The following LRRC7 variants were observed in gnomAD, a reference collection of about 807,000 sequenced individuals.
The protein encoded by LRRC7 is leucine rich repeat containing 7.
Under a neutral mutation model 175.7 loss-of-function variants are expected in LRRC7, and 23 were observed. The ratio of observed to expected loss-of-function variants is 0.13; its 90% CI spans 0.09 to 0.19. The LOEUF is 0.19. LRRC7 is among the 10% of genes least tolerant of loss of function. The pLI is 1.00. For missense variants in LRRC7, 1,354 were observed against 1,904.7 expected (o/e 0.71, Z 5.38); for synonymous variants, 685 against 680.9 (o/e 1.01, Z -0.09).
intron 1 of LRRC7, among the ~76,000 whole-genome samples, chr1:69,588,849 A>T (rs1646505865): frequency 6.6e-6 from 1 of 152,138 alleles, no homozygotes; most frequent in South Asian, 2.1e-4. Context: ...ATATCAAGGT[A>T]TTTCACAAGG....
intron 4 of LRRC7, among the ~76,000 whole-genome samples, chr1:69,824,640 C>T (rs1679687996): frequency 6.6e-6 from 1 of 152,114 alleles, no homozygotes; most frequent in Non-Finnish European, 1.5e-5. Context: ...TACCCTGCTG[C>T]TTCAAGGGCT....
intron 21 of LRRC7, among the ~76,000 whole-genome samples, chr1:70,041,877 G>T (rs1197561255): frequency 6.6e-6 from 1 of 152,200 alleles, no homozygotes; most frequent in Admixed American, 6.5e-5. Context: ...TATAGGGTTA[G>T]GGGAGAGAGA....
chr1:69,908,049 G>A lies in LRRC7; in HGVS notation c.648-23458G>A, dbSNP rs148356399. Among the ~76,000 whole-genome samples the A allele has an allele frequency of 8.4e-3, 1,272 of 151,710 alleles. 14 individuals are homozygous for A. The highest frequency in any genetic ancestry group is 0.027 in the African/African-American group (1,137 of 41,452). On this transcript the variant is annotated intron_variant, in intron 7 of 26. Coordinates refer to ENST00000651989, the MANE Select transcript of LRRC7 (RefSeq NM_001370785.2). ...TCTAGATTTTCTAGTTTATTTGCAT[G>A]GAGGTGTTTGTAGTATTCTCTGATG...
chr1:70,105,092 A>G (rs1259404613), intron 25 of LRRC7, among the ~76,000 whole-genome samples: 1 of 152,204 alleles, frequency 6.6e-6, no homozygotes. Flanking sequence ...GATTGTATAT[A>G]TAGTCTCTTC....
chr1:70,107,493 A>G (rs1665224731), intron 25 of LRRC7, among the ~76,000 whole-genome samples: 1 of 152,240 alleles, frequency 6.6e-6, no homozygotes, highest in African/African-American at 2.4e-5. Flanking sequence ...CATTAAGAAT[A>G]TGCCATGAGA....
intron 3 of LRRC7, among the ~76,000 whole-genome samples, chr1:69,770,172 T>C (rs1672070869): frequency 1.3e-5 from 2 of 152,278 alleles, no homozygotes; most frequent in South Asian, 2.1e-4. Context: ...CAATGAGGGA[T>C]GTCATTAAAA....
intron 3 of LRRC7, among the ~76,000 whole-genome samples, chr1:69,775,517 C>A (rs544356433): frequency 2.6e-5 from 4 of 152,122 alleles, no homozygotes; most frequent in Admixed American, 2.6e-4. Flanking sequence ...GAAAGTCAGG[C>A]CACTCTTAAC....
At chr1:69,983,715 TTCA>T (rs2101893683) in intron 9 of LRRC7, among the ~76,000 whole-genome samples, 1 of 152,288 alleles carries the variant, frequency 6.6e-6, no homozygotes, top group South Asian at 2.1e-4. Flanking sequence ...TTCTTAAGAC[TTCA>T]TCACAGCCCA....
At chr1:69,666,620 C>T (rs564553085) in intron 1 of LRRC7, among the ~76,000 whole-genome samples, 27 of 152,046 alleles carry the variant, frequency 1.8e-4, no homozygotes, top group African/African-American at 5.8e-4. Flanking sequence ...CTCATAGTAA[C>T]CACTAAAGAT....
At chr1:70,030,401 T>G (rs1258144914) in intron 18 of LRRC7, among the ~76,000 whole-genome samples, 1 of 152,180 alleles carries the variant, frequency 6.6e-6, no homozygotes, top group African/African-American at 2.4e-5. Context: ...AAAATTGAGA[T>G]TCTAGATCTT....
At chr1:70,058,604 G>A (rs902052224) in intron 23 of LRRC7, among the ~76,000 whole-genome samples, 1 of 152,098 alleles carries the variant, frequency 6.6e-6, no homozygotes, top group South Asian at 2.1e-4. Flanking sequence ...TTTACATAAG[G>A]CATTGTGTTA....
intron 26 of LRRC7, among the ~76,000 whole-genome samples, chr1:70,110,060 A>G (rs1402011692): frequency 6.6e-6 from 1 of 152,206 alleles, no homozygotes; most frequent in Non-Finnish European, 1.5e-5. Context: ...AAAATTATAC[A>G]CAGTATATCT....
chr1:69,739,242 G>A (rs1668448807), intron 2 of LRRC7, among the ~76,000 whole-genome samples: 1 of 152,026 alleles, frequency 6.6e-6, no homozygotes. Context: ...ATAGGTACTA[G>A]CTAGCAAATA....
rs557317944 is a variant in LRRC7, at chr1:69,794,153, T to C, written c.421+1993T>C. 1.2e-4 allele frequency among the ~76,000 whole-genome samples: 19 copies of C among 152,212 alleles called. No individual in the cohort carries two copies. The South Asian group carries it at 3.7e-3, about 30-fold the overall frequency. ...CACTGTAGCATCTGAATAAAGAGAGTATTTCATCTGAAGGAGACAATCAGA... is the reference window on the plus strand; with the variant it reads ...CACTGTAGCATCTGAATAAAGAGAGCATTTCATCTGAAGGAGACAATCAGA... On this transcript the variant is annotated intron_variant, in intron 4 of 26. Transcript: ENST00000651989.
chr1:69,673,243 G>A (rs1040808984), intron 1 of LRRC7, among the ~76,000 whole-genome samples: 1 of 152,180 alleles, frequency 6.6e-6, no homozygotes, highest in Non-Finnish European at 1.5e-5. Context: ...CACTCCTTGG[G>A]TGATTTTGAG....
intron 3 of LRRC7, among the ~76,000 whole-genome samples, chr1:69,782,049 T>C (rs1028338573): frequency 6.6e-6 from 1 of 152,128 alleles, no homozygotes; most frequent in African/African-American, 2.4e-5. Context: ...AATATGACCT[T>C]GTAAAAGTTA....
intron 1 of LRRC7, among the ~76,000 whole-genome samples, chr1:69,586,652 T>A (rs1014604498): frequency 6.6e-6 from 1 of 152,170 alleles, no homozygotes; most frequent in African/African-American, 2.4e-5. Flanking sequence ...ATTATTATCA[T>A]AATTGAAGAA....
intron 5 of LRRC7, among the ~76,000 whole-genome samples, chr1:69,827,125 G>A (rs961366933): frequency 2.6e-5 from 4 of 152,114 alleles, no homozygotes; most frequent in Admixed American, 6.6e-5. Flanking sequence ...CCCAAAACTC[G>A]TAGACCAAAA....
At chr1:69,669,576 T>C (rs1229143496) in intron 1 of LRRC7, among the ~76,000 whole-genome samples, 1 of 152,190 alleles carries the variant, frequency 6.6e-6, no homozygotes, top group African/African-American at 2.4e-5. Flanking sequence ...CTGCTTTATG[T>C]TTTCTAACCT....
Sources: allele counts gnomAD v4.1 joint callset (sites outside exome capture counted in the v4.1 genomes callset), GRCh38; gene constraint gnomAD v4.1.1; transcripts MANE v1.5; gene names NCBI Gene and HGNC (gene_info 2026-07-23, HGNC 2026-07-21).